Variants in GUCY1A2 observed in about 807,000 individuals in gnomAD.
GUCY1A2 encodes the protein guanylate cyclase soluble subunit alpha-2.
A neutral mutation model predicts 63.5 loss-of-function variants in GUCY1A2; 27 were observed. The ratio of observed to expected loss-of-function variants is 0.43; its 90% CI spans 0.31 to 0.59. The LOEUF (loss-of-function observed/expected upper bound fraction) is 0.59. Among genes scored for constraint, GUCY1A2 ranks in the 20% least tolerant of loss-of-function variants. The pLI is 0.11. For synonymous variants in GUCY1A2, 364 were observed against 343.5 expected (o/e 1.06, Z -0.66); for missense variants, 768 against 913.3 (o/e 0.84, Z 2.05).
intron 6 of GUCY1A2, among the ~76,000 whole-genome samples, chr11:106,753,695 T>C (rs1235868737): frequency 6.6e-6 from 1 of 152,176 alleles, no homozygotes; most frequent in African/African-American, 2.4e-5. Context: ...GAGGCCTCTG[T>C]TCTGTTCCAT....
intron 3 of GUCY1A2, among the ~76,000 whole-genome samples, chr11:106,950,481 C>T (rs1242021026): frequency 6.6e-6 from 1 of 152,334 alleles, no homozygotes; most frequent in Non-Finnish European, 1.5e-5. Flanking sequence ...ATCTGCCACA[C>T]TGAAAATAGG....
chr11:106,866,584 T>C (rs1430610052), intron 4 of GUCY1A2, among the ~76,000 whole-genome samples: 1 of 152,102 alleles, frequency 6.6e-6, no homozygotes, highest in East Asian at 1.9e-4. Flanking sequence ...GGTCCTTCTA[T>C]GTTCAGTTAG....
rs774118831 is a variant in GUCY1A2, at chr11:107,017,956, G to T, written c.100C>A (p.Leu34Ile). Residue 34 changes from leucine (L) to isoleucine (I), a missense_variant, in exon 1 of 8, where the codon CTC becomes ATC. Leu to Ile is a conservative substitution (Grantham distance 5, BLOSUM62 2). Coordinates refer to ENST00000526355, the MANE Select transcript of GUCY1A2 (RefSeq NM_000855.3). The part of the protein sequence containing the change: ...EEEGECPLSR[L>I]CWNGSRSPPG... ...GGGCTCCGGCTGCCATTCCAGCAGA[G>T]CCTAGACAGGGGGCACTCCCCCTCC... is the stretch of plus-strand genomic sequence containing the variant. 2.1e-5 allele frequency: 30 copies of T among 1,425,250 alleles called. No homozygotes were observed. Among genetic ancestry groups the T allele is most frequent in the Non-Finnish European group, 2.5e-5 (27 of 1,077,468 alleles). The allele number at this position is 1,425,250 out of a possible 1,614,324, so 88.3% of individuals were successfully genotyped here.
At position 106,685,862 on chromosome 11, in the gene GUCY1A2, G is replaced by A; in HGVS notation, c.*1687C>T. ...AAGAAAATAACTCAAATTATAAAAG[G>A]GATCAGGATTATAACAAATATTTGC... On this transcript the variant is annotated 3_prime_UTR_variant, in exon 8 of 8. Coordinates refer to ENST00000526355, the MANE Select transcript of GUCY1A2 (RefSeq NM_000855.3). 4.4e-6 allele frequency: 1 copy of A among 226,170 alleles called. No homozygotes were observed. Among genetic ancestry groups the A allele is most frequent in the Admixed American group, 5.7e-5 (1 of 17,516 alleles). The allele number at this position is 226,170 out of a possible 1,614,324, so 14.0% of individuals were successfully genotyped here. A position where few individuals can be genotyped will look rare whatever the true frequency, so the allele number is the denominator to read the frequency against.
At chr11:106,971,208 T>C (rs1284511147) in intron 3 of GUCY1A2, among the ~76,000 whole-genome samples, 1 of 130,318 alleles carries the variant, frequency 7.7e-6, no homozygotes, top group Non-Finnish European at 1.6e-5. Context: ...ACTTACTGTA[T>C]ACAAATTTAA....
chr11:106,961,059 C>T (rs1161957374), intron 3 of GUCY1A2, among the ~76,000 whole-genome samples: 1 of 152,006 alleles, frequency 6.6e-6, no homozygotes, highest in Non-Finnish European at 1.5e-5. Flanking sequence ...AAGAACCATT[C>T]CCTGTGCTCA....
intron 5 of GUCY1A2, among the ~76,000 whole-genome samples, chr11:106,777,047 C>G (rs1864370104): frequency 6.6e-6 from 1 of 152,188 alleles, no homozygotes; most frequent in African/African-American, 2.4e-5. Context: ...CTTTCTTACT[C>G]TTAAAAATTG....
At chr11:106,764,964 T>TG (rs11415170) in intron 6 of GUCY1A2, among the ~76,000 whole-genome samples, 10,886 of 69,300 alleles carry the variant, frequency 0.16, 811 homozygotes, top group African/African-American at 0.36. Flanking sequence ...ACTTTGCAGA[T>TG]TTTTTTGGGG....
At chr11:106,965,626 C>T (rs961813977) in intron 3 of GUCY1A2, among the ~76,000 whole-genome samples, 5 of 152,182 alleles carry the variant, frequency 3.3e-5, no homozygotes, top group African/African-American at 1.2e-4. Flanking sequence ...TACCTCCTGC[C>T]ATGTGGCCTT....
rs1212967175 is a variant in GUCY1A2, at chr11:106,799,750, T to A, written c.1692+10243A>T. Reference sequence around the variant, plus strand: ...TATACAGAAATTAATTCAAGATGGATTAAAGACTTAAATGTTAGACCTAAA... The same window carrying A: ...TATACAGAAATTAATTCAAGATGGAATAAAGACTTAAATGTTAGACCTAAA... On this transcript the variant is annotated intron_variant, in intron 5 of 7. Transcript: ENST00000526355. Among the ~76,000 whole-genome samples, 3 of 152,178 alleles carry A rather than the reference T, an allele frequency of 2.0e-5. No homozygotes were observed. The East Asian group carries it at 5.8e-4, about 29-fold the overall frequency.
At chr11:106,957,126 C>T (rs1429402872) in intron 3 of GUCY1A2, among the ~76,000 whole-genome samples, 1 of 152,200 alleles carries the variant, frequency 6.6e-6, no homozygotes, top group East Asian at 1.9e-4. Flanking sequence ...CGTCCAGCCT[C>T]CCTGGCTCTA....
chr11:106,763,417 G>A (rs1190164394), intron 6 of GUCY1A2, among the ~76,000 whole-genome samples: 2 of 151,998 alleles, frequency 1.3e-5, no homozygotes, highest in Non-Finnish European at 2.9e-5. Flanking sequence ...CATTAAATCT[G>A]TTAAAAGCTT....
intron 5 of GUCY1A2, among the ~76,000 whole-genome samples, chr11:106,808,534 G>C (rs1393247585): frequency 6.6e-6 from 1 of 151,984 alleles, no homozygotes; most frequent in Non-Finnish European, 1.5e-5. Context: ...AAATCTAACT[G>C]ATACTTATGT....
intron 3 of GUCY1A2, among the ~76,000 whole-genome samples, chr11:106,956,448 G>C (rs1161457468): frequency 6.6e-6 from 1 of 152,034 alleles, no homozygotes; most frequent in Non-Finnish European, 1.5e-5. Context: ...TCCTTGGATA[G>C]GGTTTTTTGT....
At chr11:106,912,550 G>A (rs900069523) in intron 4 of GUCY1A2, among the ~76,000 whole-genome samples, 16 of 151,928 alleles carry the variant, frequency 1.1e-4, no homozygotes, top group African/African-American at 2.2e-4. Flanking sequence ...AGACACTCAC[G>A]ACTAAATTTT....
chr11:106,907,282 TG>T, intron 4 of GUCY1A2, among the ~76,000 whole-genome samples: 1 of 152,206 alleles, frequency 6.6e-6, no homozygotes, highest in East Asian at 1.9e-4. Flanking sequence ...ATCCTTTTTT[TG>T]CTTACTCCCA....
At chr11:106,843,291 G>T (rs1211882320) in intron 4 of GUCY1A2, among the ~76,000 whole-genome samples, 2 of 151,842 alleles carry the variant, frequency 1.3e-5, no homozygotes, top group Non-Finnish European at 2.9e-5. Context: ...GGGAAAGGAT[G>T]GGGGTTGGTG....
intron 4 of GUCY1A2, among the ~76,000 whole-genome samples, chr11:106,859,143 G>A (rs1206790684): frequency 6.6e-6 from 1 of 151,886 alleles, no homozygotes; most frequent in Non-Finnish European, 1.5e-5. Flanking sequence ...TTAAAATGAA[G>A]GGTAAGAGTG....
Position 106,980,615 on chromosome 11 carries a change from A to C in GUCY1A2, c.366-1875T>G, listed in dbSNP as rs138028486. 3.5e-3 allele frequency among the ~76,000 whole-genome samples: 530 copies of C among 152,318 alleles called. 8 individuals carry two copies. Among genetic ancestry groups the C allele is most frequent in the African/African-American group, 0.012 (489 of 41,572 alleles). On this transcript the variant is annotated intron_variant, in intron 2 of 7. Coordinates refer to ENST00000526355, the MANE Select transcript of GUCY1A2 (RefSeq NM_000855.3). The stretch of plus-strand genomic sequence containing the variant: ...AGAGTCAGACTAGATATGAGAGTAA[A>C]AATTTAAATTGGTCTAGAGTGAACT...
Sources: allele counts gnomAD v4.1 joint callset (sites outside exome capture counted in the v4.1 genomes callset), GRCh38; gene constraint gnomAD v4.1.1; transcripts MANE v1.5; gene names NCBI Gene and HGNC (gene_info 2026-07-23, HGNC 2026-07-21).